Variants in ANKRD30B observed in about 807,000 individuals in gnomAD.
ANKRD30B encodes ankyrin repeat domain 30B, also known as ankyrin repeat domain-containing protein 30B.
Under a neutral mutation model 202.2 loss-of-function variants are expected in ANKRD30B, and 144 were observed. That is an observed-to-expected ratio of 0.71 (90% CI 0.62 to 0.82). The LOEUF (loss-of-function observed/expected upper bound fraction) is 0.82. Ranked by LOEUF, ANKRD30B falls within the 40% of genes least tolerant of loss-of-function variation. ANKRD30B has a pLI of 0.00. For synonymous variants in ANKRD30B, 508 were observed against 561.3 expected (o/e 0.91, Z 1.34); for missense variants, 1,487 against 1,669.1 (o/e 0.89, Z 1.90).
chr18:14,932,359 C>T, the ANKRD30B span, among the ~76,000 whole-genome samples: 11 of 151,810 alleles, frequency 7.2e-5, no homozygotes, highest in Non-Finnish European at 1.3e-4. Flanking sequence ...GTTTTTGAGA[C>T]GGAGTCTCAC....
chr18:14,786,297 C>G (rs141265325), intron 14 of ANKRD30B, among the ~76,000 whole-genome samples: 1 of 152,196 alleles, frequency 6.6e-6, no homozygotes, highest in East Asian at 1.9e-4. Flanking sequence ...TTGATTTTAT[C>G]CTATACAACA....
At chr18:14,895,090 G>T in the ANKRD30B span, among the ~76,000 whole-genome samples, 2 of 145,664 alleles carry the variant, frequency 1.4e-5, no homozygotes, top group African/African-American at 5.0e-5. Flanking sequence ...CTAAACACTG[G>T]GTACTTAGGG....
intron 24 of ANKRD30B, among the ~76,000 whole-genome samples, chr18:14,804,775 A>AAG (rs1267893614): frequency 6.6e-6 from 1 of 150,950 alleles, no homozygotes; most frequent in Non-Finnish European, 1.5e-5. Flanking sequence ...AGAAAAAGGA[A>AAG]AGAGTGTGTG....
chr18:14,875,481 C>T, the ANKRD30B span, among the ~76,000 whole-genome samples: 8 of 152,012 alleles, frequency 5.3e-5, no homozygotes, highest in Admixed American at 3.3e-4. Flanking sequence ...ACTTATTGAG[C>T]GCTTACTGTG....
At chr18:14,817,133 ACT>A (rs1970157267) in intron 30 of ANKRD30B, 2 of 152,232 alleles carry the variant, frequency 1.3e-5, no homozygotes, top group African/African-American at 4.8e-5. Flanking sequence ...GTTTAATTAG[ACT>A]CTCTTCATGA....
At position 14,782,579 on chromosome 18, in the gene ANKRD30B, AT is replaced by A. The variant is rs1283664209; in HGVS notation, c.1536del (p.Gln513ArgfsTer3). The A allele has an allele frequency of 1.3e-6, 2 of 1,587,802 alleles. No homozygotes were observed. The highest frequency in any genetic ancestry group is 4.5e-5 in the East Asian group (2 of 44,066). On this transcript the variant is annotated frameshift_variant, in exon 12 of 44. Coordinates refer to ENST00000690538, the MANE Select transcript of ANKRD30B (RefSeq NM_001367607.2). LOFTEE classifies it high-confidence loss of function. ...CAAGTGTGTATACCTGAGTCTATGT[AT>A]CAGAAAGTAATGGAGATAAATAGAG... ...KTQVCIPESMYQKVMEINREV... is the reference protein window; with the variant it reads ...KTQVCIPESMXQKVMEINREV...
At chr18:14,754,235 A>G (rs1308401825) in intron 3 of ANKRD30B, among the ~76,000 whole-genome samples, 2 of 152,172 alleles carry the variant, frequency 1.3e-5, no homozygotes, top group Non-Finnish European at 2.9e-5. Flanking sequence ...TTGATAGAAT[A>G]GAATCAAGAG....
the ANKRD30B span, among the ~76,000 whole-genome samples, chr18:14,871,360 T>G: frequency 5.3e-5 from 8 of 150,836 alleles, no homozygotes; most frequent in African/African-American, 1.7e-4. Flanking sequence ...GAGGACAGGA[T>G]GGGCACAGGA....
chr18:14,884,969 A>ATTT, the ANKRD30B span, among the ~76,000 whole-genome samples: 1 of 152,126 alleles, frequency 6.6e-6, no homozygotes. Context: ...ATGCTCAAAT[A>ATTT]GTTACACATG....
intron 15 of ANKRD30B, 137 bp from the exon 16 acceptor site, chr18:14,791,264 A>T (rs1968485283): frequency 1.5e-6 from 1 of 646,558 alleles, no homozygotes; most frequent in East Asian, 2.9e-5. Flanking sequence ...GATTTTCTAT[A>T]CGTGTGTACT....
chr18:14,880,963 T>G, the ANKRD30B span, among the ~76,000 whole-genome samples: 181 of 152,338 alleles, frequency 1.2e-3, no homozygotes, highest in African/African-American at 4.0e-3. Context: ...TGAATTCTTT[T>G]ATCAGTTCTA....
the ANKRD30B span, among the ~76,000 whole-genome samples, chr18:14,885,794 A>G: frequency 6.6e-6 from 1 of 151,902 alleles, no homozygotes; most frequent in African/African-American, 2.4e-5. Context: ...ATATTTTTAT[A>G]TTATAATTTA....
the ANKRD30B span, among the ~76,000 whole-genome samples, chr18:14,937,906 C>G: frequency 6.6e-6 from 1 of 152,232 alleles, no homozygotes; most frequent in African/African-American, 2.4e-5. Context: ...CCCCCACAAA[C>G]TGTTCCTTGC....
At chr18:14,910,714 T>C in the ANKRD30B span, among the ~76,000 whole-genome samples, 1 of 152,154 alleles carries the variant, frequency 6.6e-6, no homozygotes, top group Non-Finnish European at 1.5e-5. Flanking sequence ...CTCTTTTTCA[T>C]AGAAGTTGTA....
intron 9 of ANKRD30B, among the ~76,000 whole-genome samples, chr18:14,772,696 C>T (rs1379844858): frequency 1.4e-5 from 2 of 141,502 alleles, no homozygotes. Context: ...AACTGTGCCA[C>T]ATAGCATATA....
In ANKRD30B at chr18:14,775,096, C is replaced by T. The variant is rs549328125; in HGVS notation, c.1329+2868C>T. 1.8e-3 allele frequency among the ~76,000 whole-genome samples: 280 copies of T among 152,296 alleles called. 2 individuals carry two copies. The highest frequency in any genetic ancestry group is 2.8e-3 in the Non-Finnish European group (188 of 68,018). On this transcript the variant is annotated intron_variant, in intron 9 of 43. Coordinates refer to ENST00000690538, the MANE Select transcript of ANKRD30B (RefSeq NM_001367607.2). ...GAGCCCAGATCATGCCACTGCACTCCAGCCTGGGTGACAGAGCGAGACTCC... is the reference window on the plus strand; with the variant it reads ...GAGCCCAGATCATGCCACTGCACTCTAGCCTGGGTGACAGAGCGAGACTCC...
At chr18:14,770,317 T>C (rs1287514952) in intron 8 of ANKRD30B, among the ~76,000 whole-genome samples, 5 of 152,182 alleles carry the variant, frequency 3.3e-5, no homozygotes, top group African/African-American at 1.2e-4. Context: ...TCAACATGTA[T>C]TTAATATCCT....
the ANKRD30B span, among the ~76,000 whole-genome samples, chr18:14,861,197 A>G: frequency 6.6e-6 from 1 of 152,240 alleles, no homozygotes; most frequent in Admixed American, 6.5e-5. Context: ...AAATGTACAG[A>G]ACCTATAAAG....
the ANKRD30B span, among the ~76,000 whole-genome samples, chr18:14,904,798 G>A: frequency 3.3e-5 from 5 of 152,186 alleles, no homozygotes; most frequent in Admixed American, 3.3e-4. Flanking sequence ...AAAAGTTACA[G>A]GCAAAGACAT....
Sources: gnomAD v4.1 joint callset for allele counts (sites outside exome capture counted in the v4.1 genomes callset) on GRCh38, gnomAD v4.1.1 for gene constraint, MANE v1.5 for transcripts, NCBI Gene and HGNC (gene_info 2026-07-23, HGNC 2026-07-21) for gene names.